PARD3: variants seen among roughly 807,000 people sequenced by gnomAD.
The protein encoded by PARD3 is partitioning defective 3 homolog.
In PARD3, 75 loss-of-function variants were observed where a neutral mutation model predicts 155.4. The observed-to-expected ratio is 0.48, with a 90% CI of 0.40 to 0.58. The LOEUF is 0.58. Among genes scored for constraint, PARD3 ranks in the 20% least tolerant of loss-of-function variants. The pLI is 0.00. For synonymous variants in PARD3, 576 were observed against 610.5 expected (o/e 0.94, Z 0.83); for missense variants, 1,642 against 1,721.7 (o/e 0.95, Z 0.82).
intron 24 of PARD3, among the ~76,000 whole-genome samples, chr10:34,114,269 G>C (rs1422719326): frequency 6.6e-6 from 1 of 152,042 alleles, no homozygotes; most frequent in Admixed American, 6.6e-5. Context: ...CTCTAAAAGA[G>C]GAGAAAAAGA....
chr10:34,427,203 T>G (rs1460726690), intron 5 of PARD3, among the ~76,000 whole-genome samples: 1 of 152,230 alleles, frequency 6.6e-6, no homozygotes, highest in Non-Finnish European at 1.5e-5. Context: ...CCTGAAAGTC[T>G]GGCTGCCTGT....
At chr10:34,322,838 T>G (rs1354113896) in intron 19 of PARD3, among the ~76,000 whole-genome samples, 1 of 152,202 alleles carries the variant, frequency 6.6e-6, no homozygotes, top group Non-Finnish European at 1.5e-5. Context: ...TGAACTACCT[T>G]AGAATTAGGA....
chr10:34,564,633 C>T (rs2085778285), intron 2 of PARD3, among the ~76,000 whole-genome samples: 1 of 152,192 alleles, frequency 6.6e-6, no homozygotes, highest in Non-Finnish European at 1.5e-5. Flanking sequence ...TCCTTGCTAA[C>T]ATTACTGCAT....
intron 20 of PARD3, among the ~76,000 whole-genome samples, chr10:34,315,126 A>G (rs76591066): frequency 0.074 from 11,265 of 152,248 alleles, 571 homozygotes; most frequent in Non-Finnish European, 0.1. Flanking sequence ...TTTATCATAA[A>G]GCTGGCTTTC....
At chr10:34,520,956 T>C (rs2082106856) in intron 2 of PARD3, among the ~76,000 whole-genome samples, 1 of 152,220 alleles carries the variant, frequency 6.6e-6, no homozygotes, top group African/African-American at 2.4e-5. Flanking sequence ...TGTGGCTTAA[T>C]ATGCATTTTG....
intron 1 of PARD3, among the ~76,000 whole-genome samples, chr10:34,749,227 G>A (rs572152808): frequency 2.0e-5 from 3 of 152,254 alleles, no homozygotes; most frequent in Non-Finnish European, 4.4e-5. Context: ...TCATTATGAT[G>A]AAGTCTTGCA....
chr10:34,756,986 A>G (rs1025569316), intron 1 of PARD3, among the ~76,000 whole-genome samples: 13 of 152,348 alleles, frequency 8.5e-5, no homozygotes, highest in Middle Eastern at 6.8e-3. Context: ...CCCCCTAAAA[A>G]AAGGTTCTAA....
chr10:34,153,978 G>A lies in PARD3; in HGVS notation c.3420-22395C>T, dbSNP rs145569767. Among the ~76,000 whole-genome samples, 162 of 152,300 alleles carry A rather than the reference G, an allele frequency of 1.1e-3. 1 individual carries two copies. Among genetic ancestry groups the A allele is most frequent in the African/African-American group, 3.3e-3 (139 of 41,580 alleles). On this transcript the variant is annotated intron_variant, in intron 22 of 24. Transcript: ENST00000374788. ...CTCCGGCCTTTTAGAATTGGGAAGT[G>A]AGTACCCTTTCTTACCACTAGCGGC...
At chr10:34,152,432 C>T (rs58904922) in intron 22 of PARD3, among the ~76,000 whole-genome samples, 5,721 of 152,182 alleles carry the variant, frequency 0.038, 382 homozygotes, top group African/African-American at 0.13. Flanking sequence ...ATACTGCAGG[C>T]AATTGGAACA....
intron 22 of PARD3, among the ~76,000 whole-genome samples, chr10:34,150,234 C>T (rs553864890): frequency 1.7e-4 from 26 of 152,204 alleles, no homozygotes; most frequent in South Asian, 1.0e-3. Flanking sequence ...ACACTCAATA[C>T]GATGAAGAAT....
At chr10:34,252,060 A>G (rs1306264222) in intron 22 of PARD3, among the ~76,000 whole-genome samples, 2 of 151,848 alleles carry the variant, frequency 1.3e-5, no homozygotes, top group Non-Finnish European at 1.5e-5. Flanking sequence ...GCCGCATCAT[A>G]ATGCCATAAG....
At chr10:34,555,492 T>G (rs907730708) in intron 2 of PARD3, among the ~76,000 whole-genome samples, 7 of 152,126 alleles carry the variant, frequency 4.6e-5, no homozygotes, top group Non-Finnish European at 1.0e-4. Context: ...ATATCATAAA[T>G]AATTGAGGAA....
intron 2 of PARD3, among the ~76,000 whole-genome samples, chr10:34,688,905 T>C (rs1008086966): frequency 1.3e-5 from 2 of 152,214 alleles, no homozygotes; most frequent in Non-Finnish European, 2.9e-5. Flanking sequence ...AGTATAAAAT[T>C]TGCATCTTCA....
chr10:34,479,964 A>T (rs2078967623), intron 3 of PARD3, among the ~76,000 whole-genome samples: 2 of 152,248 alleles, frequency 1.3e-5, no homozygotes, highest in South Asian at 4.1e-4. Context: ...GGGAGCTGTG[A>T]CATTCCCCAG....
chr10:34,475,632 G>C (rs1217644640), intron 3 of PARD3, among the ~76,000 whole-genome samples: 1 of 152,138 alleles, frequency 6.6e-6, no homozygotes, highest in African/African-American at 2.4e-5. Context: ...ATTAGTTACT[G>C]AGTTATGCCA....
At chr10:34,151,044 T>G (rs1948754222) in intron 22 of PARD3, among the ~76,000 whole-genome samples, 1 of 152,192 alleles carries the variant, frequency 6.6e-6, no homozygotes, top group Non-Finnish European at 1.5e-5. Flanking sequence ...GATGAACTAT[T>G]TAGTTAATGC....
At chr10:34,735,039 C>A in intron 1 of PARD3, among the ~76,000 whole-genome samples, 1 of 148,132 alleles carries the variant, frequency 6.8e-6, no homozygotes, top group Non-Finnish European at 1.5e-5. Flanking sequence ...ATAGGAAATT[C>A]TGAGAAAAGG....
chr10:34,372,943 T>G (rs1327368729), intron 11 of PARD3, among the ~76,000 whole-genome samples: 1 of 152,130 alleles, frequency 6.6e-6, no homozygotes, highest in East Asian at 1.9e-4. Flanking sequence ...AACCACAGTC[T>G]GAACCACAGC....
intron 1 of PARD3, among the ~76,000 whole-genome samples, chr10:34,810,388 T>C: frequency 6.6e-6 from 1 of 152,136 alleles, no homozygotes; most frequent in East Asian, 1.9e-4. Context: ...AAAATACTTG[T>C]GTGGTCCCAA....
Sources: allele counts gnomAD v4.1 joint callset (sites outside exome capture counted in the v4.1 genomes callset), GRCh38; gene constraint gnomAD v4.1.1; transcripts MANE v1.5; gene names NCBI Gene and HGNC (gene_info 2026-07-23, HGNC 2026-07-21).